The following KPNA3 variants were observed in gnomAD, a reference collection of about 807,000 sequenced individuals.
KPNA3 encodes importin subunit alpha-4.
In KPNA3, 13 loss-of-function variants were observed where a neutral mutation model predicts 73.8. That is an observed-to-expected ratio of 0.18 (90% CI 0.11 to 0.28). KPNA3 has a LOEUF of 0.28. Ranked by LOEUF, KPNA3 falls within the 10% of genes least tolerant of loss-of-function variation. The pLI is 1.00. For synonymous variants in KPNA3, 186 were observed against 206.9 expected, an observed-to-expected ratio of 0.90 and a Z score of 0.87; for missense variants, 360 against 618.1, an observed-to-expected ratio of 0.58 and a Z score of 4.43.
At chr13:49,754,511 C>T (rs1300901974) in intron 1 of KPNA3, among the ~76,000 whole-genome samples, 1 of 151,462 alleles carries the variant, frequency 6.6e-6, no homozygotes, top group African/African-American at 2.4e-5. Flanking sequence ...AGCTTCGACA[C>T]CCTACAACAT....
chr13:49,786,203 C>T (rs1594466036), intron 1 of KPNA3, among the ~76,000 whole-genome samples: 1 of 152,186 alleles, frequency 6.6e-6, no homozygotes, highest in East Asian at 1.9e-4. Context: ...AATACTGAAC[C>T]TTTCATTCCC....
intron 1 of KPNA3, among the ~76,000 whole-genome samples, chr13:49,785,444 A>G (rs1954974387): frequency 6.6e-6 from 1 of 152,216 alleles, no homozygotes; most frequent in African/African-American, 2.4e-5. Flanking sequence ...CATAAACAGA[A>G]AAAAGAAAAA....
chr13:49,732,698 A>C, intron 4 of KPNA3, 41 bp from the exon 5 acceptor site: 1 of 1,582,546 alleles, frequency 6.3e-7, no homozygotes, highest in Non-Finnish European at 8.7e-7. Context: ...AAAAAAAAAA[A>C]ATCAATTTCA....
chr13:49,766,714 C>T (rs1465776061), intron 1 of KPNA3, among the ~76,000 whole-genome samples: 1 of 152,148 alleles, frequency 6.6e-6, no homozygotes, highest in African/African-American at 2.4e-5. Context: ...CCTTCTCTAT[C>T]CAGTTCCACT....
At chr13:49,768,655 T>A (rs1331356274) in intron 1 of KPNA3, among the ~76,000 whole-genome samples, 1 of 150,280 alleles carries the variant, frequency 6.7e-6, no homozygotes, top group Admixed American at 6.7e-5. Context: ...TTTTGAGATT[T>A]CTCACTAGGG....
chr13:49,701,710 G>C lies in KPNA3; in HGVS notation c.*90C>G, dbSNP rs949300843. 4 of 847,176 alleles carry C rather than the reference G, an allele frequency of 4.7e-6. No individual in the cohort carries two copies. The highest frequency in any genetic ancestry group is 8.2e-6 in the Non-Finnish European group (4 of 484,916). 52.5% of individuals were successfully genotyped at this position (847,176 alleles called of 1,614,324 possible). On this transcript the variant is annotated 3_prime_UTR_variant, in exon 17 of 17. Coordinates refer to ENST00000261667, the MANE Select transcript of KPNA3 (RefSeq NM_002267.4). The stretch of plus-strand genomic sequence containing the variant: ...AAAACAAAGAGGCATGTGTGTTTTG[G>C]AGCCTTTTGTTGCTGTTGTTCTTAT...
rs867554821 is a variant in KPNA3 at position 49,709,618 on chromosome 13, G to A, written c.986C>T (p.Ser329Leu). 1 of 1,613,740 alleles carries A rather than the reference G, an allele frequency of 6.2e-7. No homozygotes were observed. The highest frequency in any genetic ancestry group is 8.5e-7 in the Non-Finnish European group (1 of 1,179,714). ...GTGTGATAAGAGATTTGGGAAGTGT[G>A]ACAGGACATCACAATTGAGAACAAC... Reference protein sequence around the residue: ...TQVVLNCDVLSHFPNLLSHPK... With the variant: ...TQVVLNCDVLLHFPNLLSHPK... The change falls in exon 12 of 17, where the codon TCA becomes TTA. Residue 329 changes from serine (S) to leucine (L), a missense_variant. By Grantham distance (145) the Ser-to-Leu change is moderately radical. Around this residue, in one of 3 missense-constraint regions of KPNA3, gnomAD observed 287 missense variants for 549.1 expected, o/e 0.52. Transcript: ENST00000261667.
intron 1 of KPNA3, among the ~76,000 whole-genome samples, chr13:49,751,495 C>T (rs780466782): frequency 1.6e-4 from 24 of 152,136 alleles, no homozygotes; most frequent in Non-Finnish European, 2.8e-4. Flanking sequence ...TTTTAAAATG[C>T]AAAATCTGTG....
At chr13:49,773,711 T>C (rs1057073892) in intron 1 of KPNA3, among the ~76,000 whole-genome samples, 4 of 152,186 alleles carry the variant, frequency 2.6e-5, no homozygotes, top group Non-Finnish European at 5.9e-5. Flanking sequence ...AAAATGACTT[T>C]ACAGTAGTTA....
intron 1 of KPNA3, among the ~76,000 whole-genome samples, chr13:49,773,600 T>C (rs903995122): frequency 6.6e-6 from 1 of 152,186 alleles, no homozygotes; most frequent in Non-Finnish European, 1.5e-5. Flanking sequence ...GTGTTATAAA[T>C]AAATAAAATT....
chr13:49,730,393 C>T (rs963871954), intron 6 of KPNA3, among the ~76,000 whole-genome samples: 1 of 151,276 alleles, frequency 6.6e-6, no homozygotes, highest in Admixed American at 6.6e-5. Flanking sequence ...ATTAGCCACA[C>T]CTGTAATCCC....
At chr13:49,721,872 A>G (rs539461662) in intron 9 of KPNA3, 83 bp downstream of exon 9, 2 of 913,496 alleles carry the variant, frequency 2.2e-6, no homozygotes, top group South Asian at 5.4e-5. Context: ...CAGTATATGT[A>G]TTATTTTGTC....
At chr13:49,746,880 T>C (rs1386617175) in intron 2 of KPNA3, 69 bp downstream of exon 2, 1 of 1,167,774 alleles carries the variant, frequency 8.6e-7, no homozygotes, top group Non-Finnish European at 1.3e-6. Context: ...ATTTTCATTA[T>C]TCAAGATACA....
At chr13:49,713,005 C>T (rs1222888348) in intron 10 of KPNA3, among the ~76,000 whole-genome samples, 1 of 150,220 alleles carries the variant, frequency 6.7e-6, no homozygotes, top group Non-Finnish European at 1.5e-5. Context: ...TTGGCCCTGG[C>T]TCTCAAAACA....
chr13:49,755,380 C>T, intron 1 of KPNA3, among the ~76,000 whole-genome samples: 1 of 152,040 alleles, frequency 6.6e-6, no homozygotes, highest in East Asian at 1.9e-4. Flanking sequence ...ACTATGTTTC[C>T]CTAGATTGAG....
chr13:49,758,588 C>T (rs888058581), intron 1 of KPNA3, among the ~76,000 whole-genome samples: 4 of 151,994 alleles, frequency 2.6e-5, no homozygotes. Flanking sequence ...CAGAAAAAAA[C>T]AGGAAGTTTG....
intron 1 of KPNA3, among the ~76,000 whole-genome samples, chr13:49,779,905 T>G (rs1252581559): frequency 6.6e-6 from 1 of 152,108 alleles, no homozygotes; most frequent in East Asian, 1.9e-4. Context: ...TCTGTAGCAT[T>G]TGATACTGCA....
rs770745525 is a variant in KPNA3 at position 49,709,610 on chromosome 13, G to C, written c.994C>G (p.Pro332Ala). 1 of 1,613,424 alleles carries C rather than the reference G, an allele frequency of 6.2e-7. No homozygotes were observed. Among genetic ancestry groups the C allele is most frequent in the African/African-American group, 1.3e-5 (1 of 74,864 alleles). ...TCTTTTGGGTGTGATAAGAGATTTG[G>C]GAAGTGTGACAGGACATCACAATTG... ...VLNCDVLSHFPNLLSHPKEKI... is the reference protein window; with the variant it reads ...VLNCDVLSHFANLLSHPKEKI... The change falls in exon 12 of 17, where the codon CCA (proline) becomes GCA (alanine). Residue 332 changes from proline to alanine, a missense_variant. Physicochemically the swap from Pro to Ala is conservative, Grantham distance 27. Around this residue, in one of 3 missense-constraint regions of KPNA3, gnomAD observed 287 missense variants for 549.1 expected, o/e 0.52. Transcript: ENST00000261667.
rs1437617563 is a variant in KPNA3 at position 49,700,861 on chromosome 13, A to T, written c.*939T>A. ...TGAAAGCTGAAAGCAAGATTTTTTT[A>T]AAAAACATCACCAATGGGTATTTTA... is the stretch of plus-strand genomic sequence containing the variant. On this transcript the variant is annotated 3_prime_UTR_variant, in exon 17 of 17. Coordinates refer to ENST00000261667, the MANE Select transcript of KPNA3 (RefSeq NM_002267.4). 3 of 152,488 alleles carry T rather than the reference A, an allele frequency of 2.0e-5. No individual in the cohort carries two copies. Among genetic ancestry groups the T allele is most frequent in the African/African-American group, 4.8e-5 (2 of 41,480 alleles). 9.4% of individuals were successfully genotyped at this position (152,488 alleles called of 1,614,324 possible). A position where few individuals can be genotyped will look rare whatever the true frequency, so the allele number is the denominator to read the frequency against.
Sources: gnomAD v4.1 joint callset for allele counts (sites outside exome capture counted in the v4.1 genomes callset) on GRCh38, gnomAD v4.1.1 for gene constraint, gnomAD v4.1.1 regional missense constraint, MANE v1.5 for transcripts, NCBI Gene and HGNC (gene_info 2026-07-23, HGNC 2026-07-21) for gene names.